Variants in OPRL1 observed in about 807,000 individuals in gnomAD.
The protein encoded by OPRL1 is opioid related nociceptin receptor 1.
OPRL1 carries 5 observed loss-of-function variants against 15.5 expected under a neutral mutation model. The observed-to-expected ratio is 0.32, with a 90% CI of 0.17 to 0.68. The LOEUF is 0.68. Ranked by LOEUF, OPRL1 falls within the 30% of genes least tolerant of loss-of-function variation. OPRL1 has a pLI of 0.72. For missense variants in OPRL1, 406 were observed against 515.3 expected, an observed-to-expected ratio of 0.79 and a Z score of 2.05; for synonymous variants, 223 against 230.2, an observed-to-expected ratio of 0.97 and a Z score of 0.28.
chr20:64,085,815 G>A (rs944155119), intron 1 of OPRL1, among the ~76,000 whole-genome samples: 2 of 152,214 alleles, frequency 1.3e-5, no homozygotes, highest in African/African-American at 4.8e-5. Flanking sequence ...AGGCTGTTGG[G>A]TGTTCCCATT....
chr20:64,081,543 G>A (rs1002757695), intron 1 of OPRL1, among the ~76,000 whole-genome samples: 1 of 152,184 alleles, frequency 6.6e-6, no homozygotes, highest in Non-Finnish European at 1.5e-5. Flanking sequence ...CCTTGGGCCT[G>A]CTCTCCACCG....
In OPRL1 at chr20:64,096,836, T is replaced by TATCACCACCACCAC. The variant is rs1569278349; in HGVS notation, c.234-966_234-965insATCACCACCACCAC. 7.9e-5 allele frequency among the ~76,000 whole-genome samples: 3 copies of TATCACCACCACCAC among 37,906 alleles called. No homozygotes were observed. The Admixed American group carries it at 1.0e-3, about 13-fold the overall frequency. 24.9% of individuals were successfully genotyped at this position (37,906 alleles called of 152,430 possible). ...ATCACCACCATCATCACCATCATCATCATGACCATCACCACCATCACCACT... is the reference window on the plus strand; with the variant it reads ...ATCACCACCATCATCACCATCATCATATCACCACCACCACCATGACCATCACCACCATCACCACT... On this transcript the variant is annotated intron_variant, in intron 3 of 4. Coordinates refer to ENST00000336866, the MANE Select transcript of OPRL1 (RefSeq NM_182647.4).
At chr20:64,081,769 A>G (rs1220765991) in intron 1 of OPRL1, among the ~76,000 whole-genome samples, 1 of 152,084 alleles carries the variant, frequency 6.6e-6, no homozygotes, top group African/African-American at 2.4e-5. Context: ...TCCTTTGCAC[A>G]TCCAGCACCC....
chr20:64,081,659 C>T (rs746835699), intron 1 of OPRL1, among the ~76,000 whole-genome samples: 15 of 152,198 alleles, frequency 9.9e-5, no homozygotes, highest in African/African-American at 3.1e-4. Flanking sequence ...GGACCCTCTG[C>T]GCCCTGACAG....
rs544169597 is a variant in OPRL1, at chr20:64,082,208, C to T, written c.-185+1856C>T. On this transcript the variant is annotated intron_variant, in intron 1 of 4. Transcript: ENST00000336866. ...ACTCCTGGACAGACTGCCTCCCTTCCCTGTCTGTCTGCCCCTGCTCAAGCC... is the reference window on the plus strand; with the variant it reads ...ACTCCTGGACAGACTGCCTCCCTTCTCTGTCTGTCTGCCCCTGCTCAAGCC... Among the ~76,000 whole-genome samples, 28 of 152,264 alleles carry T rather than the reference C, an allele frequency of 1.8e-4. No homozygotes were observed. The South Asian group carries it at 2.3e-3, about 12-fold the overall frequency.
In OPRL1 at chr20:64,083,636, G is replaced by A. The variant is rs1055945116; in HGVS notation, c.-185+3284G>A. The stretch of plus-strand genomic sequence containing the variant: ...CGCGCGGGCTTCAGCTGCGGCGGCA[G>A]GAACAGCTCCAGCCGGATGGCGGCG... On this transcript the variant is annotated intron_variant, in intron 1 of 4. Transcript: ENST00000336866. The surrounding 1 kb of genome is among the most constrained non-coding windows in gnomAD (Gnocchi z 4.9). 6 of 1,471,072 alleles carry A rather than the reference G, an allele frequency of 4.1e-6. No individual in the cohort carries two copies. Among genetic ancestry groups the A allele is most frequent in the Non-Finnish European group, 5.4e-6 (6 of 1,114,286 alleles). The allele number at this position is 1,471,072 out of a possible 1,614,324, so 91.1% of individuals were successfully genotyped here.
In OPRL1 at chr20:64,098,062, G is replaced by A. The variant is rs796570879; in HGVS notation, c.494G>A (p.Ser165Asn). 5.6e-6 allele frequency: 9 copies of A among 1,613,408 alleles called. No individual in the cohort carries two copies. The African/African-American group carries it at 1.2e-4, about 21-fold the overall frequency. The change falls in exon 4 of 5, where the codon AGC becomes AAC. Residue 165 changes from serine (S) to asparagine (N), a missense_variant. Transcript: ENST00000336866. Reference sequence around the variant, plus strand: ...CGTGCCCTCGACGTCCGCACGTCCAGCAAAGCCCAGGCTGTCAATGTGGCC... The same window carrying A: ...CGTGCCCTCGACGTCCGCACGTCCAACAAAGCCCAGGCTGTCAATGTGGCC... Reference protein sequence around the residue: ...PIRALDVRTSSKAQAVNVAIW... With the variant: ...PIRALDVRTSNKAQAVNVAIW...
In OPRL1 at chr20:64,083,001, C is replaced by T. The variant is rs1467901226; in HGVS notation, c.-185+2649C>T. Among the ~76,000 whole-genome samples, 4 of 152,154 alleles carry T rather than the reference C, an allele frequency of 2.6e-5. No homozygotes were observed. Among genetic ancestry groups the T allele is most frequent in the African/African-American group, 9.7e-5 (4 of 41,414 alleles). ...TTCAAAGGCCAGCTTAGGTCACTTCCGCTGCCCACAGCACTGCCCTCTCCC... is the reference window on the plus strand; with the variant it reads ...TTCAAAGGCCAGCTTAGGTCACTTCTGCTGCCCACAGCACTGCCCTCTCCC... On this transcript the variant is annotated intron_variant, in intron 1 of 4. Coordinates refer to ENST00000336866, the MANE Select transcript of OPRL1 (RefSeq NM_182647.4). This position sits in a 1 kb window ranked among gnomAD's most constrained non-coding sequence, Gnocchi z 4.9.
rs775421121 is a variant in OPRL1, at chr20:64,084,146, G to A, written c.-185+3794G>A. 16 of 1,457,916 alleles carry A rather than the reference G, an allele frequency of 1.1e-5. No homozygotes were observed. The South Asian group carries it at 1.7e-4, about 16-fold the overall frequency. 90.3% of individuals were successfully genotyped at this position (1,457,916 alleles called of 1,614,324 possible). ...CCCCTTGGCACGCTCCTCACCCTGC[G>A]CCGTGCCTGGCGCGCTCTTCCCGCT... On this transcript the variant is annotated intron_variant, in intron 1 of 4. Transcript: ENST00000336866.
chr20:64,087,930 G>A (rs1043736703), intron 1 of OPRL1, among the ~76,000 whole-genome samples: 9 of 152,226 alleles, frequency 5.9e-5, no homozygotes, highest in Non-Finnish European at 1.2e-4. Context: ...CCGTGGGAGC[G>A]TTTCTGGGTC....
In OPRL1 at chr20:64,097,253, T is replaced by C. The variant is rs1979292918; in HGVS notation, c.234-549T>C. Among the ~76,000 whole-genome samples the C allele has an allele frequency of 6.6e-6, 1 of 152,138 alleles. No individual in the cohort carries two copies. The highest frequency in any genetic ancestry group is 1.5e-5 in the Non-Finnish European group (1 of 68,032). ...CAGGTGCTTGGATACACTCATACCT[T>C]ATTAGCATCCCTCCTGTCCCCCCGT... On this transcript the variant is annotated intron_variant, in intron 3 of 4. Coordinates refer to ENST00000336866, the MANE Select transcript of OPRL1 (RefSeq NM_182647.4). This position sits in a 1 kb window ranked among gnomAD's most constrained non-coding sequence, Gnocchi z 4.2.
Position 64,092,819 on chromosome 20 carries a change from C to T in OPRL1, c.99C>T (p.Pro33=), listed in dbSNP as rs980611931. The T allele has an allele frequency of 5.6e-6, 9 of 1,612,670 alleles. No homozygotes were observed. The African/African-American group carries it at 8.0e-5, about 14-fold the overall frequency. The change falls in exon 3 of 5, where the codon CCC becomes CCT. Residue 33 remains proline, a synonymous_variant. Coordinates refer to ENST00000336866, the MANE Select transcript of OPRL1 (RefSeq NM_182647.4). ...SLLSPNHSLL[P]PHLLLNASHG... ...TGAGCCCCAACCACAGTCTGCTGCC[C>T]CCGCATCTGCTGCTCAATGCCAGCC... is the stretch of plus-strand genomic sequence containing the variant.
At chr20:64,081,579 A>G (rs1482046215) in intron 1 of OPRL1, among the ~76,000 whole-genome samples, 1 of 152,038 alleles carries the variant, frequency 6.6e-6, no homozygotes, top group Admixed American at 6.5e-5. Context: ...CTCGGCACAC[A>G]GCATCCTGAA....
At chr20:64,084,127 G>A in intron 1 of OPRL1, 1 of 1,470,746 alleles carries the variant, frequency 6.8e-7, no homozygotes, top group Non-Finnish European at 8.9e-7. Flanking sequence ...GCGCCCCCTT[G>A]GCACGCTCCT....
intron 1 of OPRL1, among the ~76,000 whole-genome samples, chr20:64,086,968 C>G (rs2060059620): frequency 6.6e-6 from 1 of 152,162 alleles, no homozygotes. Context: ...TTTGCTGATT[C>G]TGAGTCACTG....
Position 64,098,881 on chromosome 20 carries a change from C to G in OPRL1, c.*82C>G. On this transcript the variant is annotated 3_prime_UTR_variant, in exon 5 of 5. Coordinates refer to ENST00000336866, the MANE Select transcript of OPRL1 (RefSeq NM_182647.4). The stretch of plus-strand genomic sequence containing the variant: ...CACAGAGCTCACACAGGTCACTGCT[C>G]TCTAGGCGGACACACCCTGGGCCCT... The G allele has an allele frequency of 6.8e-7, 1 of 1,478,440 alleles. No homozygotes were observed. The highest frequency in any genetic ancestry group is 9.0e-7 in the Non-Finnish European group (1 of 1,115,706). 91.6% of individuals were successfully genotyped at this position (1,478,440 alleles called of 1,614,324 possible). A position where few individuals can be genotyped will look rare whatever the true frequency, so the allele number is the denominator to read the frequency against.
At chr20:64,082,861 T>G in intron 1 of OPRL1, among the ~76,000 whole-genome samples, 3 of 150,182 alleles carry the variant, frequency 2.0e-5, no homozygotes, top group South Asian at 2.1e-4. Flanking sequence ...ATTAAAGGGG[T>G]CACAGGAGGC....
chr20:64,083,781 G>A lies in OPRL1; in HGVS notation c.-185+3429G>A, dbSNP rs560944241. On this transcript the variant is annotated intron_variant, in intron 1 of 4. Coordinates refer to ENST00000336866, the MANE Select transcript of OPRL1 (RefSeq NM_182647.4). This position sits in a 1 kb window ranked among gnomAD's most constrained non-coding sequence, Gnocchi z 4.9. ...CCGGCCGGCTCCGCTCAACGCTCCCGGTGCGCCCCCTCTGCCCTCCGACCC... is the reference window on the plus strand; with the variant it reads ...CCGGCCGGCTCCGCTCAACGCTCCCAGTGCGCCCCCTCTGCCCTCCGACCC... 2.3e-6 allele frequency: 3 copies of A among 1,306,364 alleles called. No individual in the cohort carries two copies. In the African/African-American group the frequency reaches 4.7e-5, roughly 20 times the overall value. 80.9% of individuals were successfully genotyped at this position (1,306,364 alleles called of 1,614,324 possible).
intron 1 of OPRL1, among the ~76,000 whole-genome samples, chr20:64,086,909 G>A (rs981371839): frequency 3.3e-5 from 5 of 152,146 alleles, no homozygotes; most frequent in Non-Finnish European, 5.9e-5. Flanking sequence ...CCTGCCCTGG[G>A]GGTGGGAGTG....
Sources: gnomAD v4.1 joint callset for allele counts (sites outside exome capture counted in the v4.1 genomes callset) on GRCh38, gnomAD v4.1.1 for gene constraint, Gnocchi (gnomAD v3.1) non-coding constraint, MANE v1.5 for transcripts, NCBI Gene and HGNC (gene_info 2026-07-23, HGNC 2026-07-21) for gene names.